Variants in RASEF observed in about 807,000 individuals in gnomAD.
RASEF encodes the protein RAS and EF-hand domain containing, also known as ras and EF-hand domain-containing protein.
In RASEF, 68 loss-of-function variants were observed where a neutral mutation model predicts 90.1. That is an observed-to-expected ratio of 0.75 (90% confidence interval 0.62 to 0.92). The LOEUF (loss-of-function observed/expected upper bound fraction) is 0.92, where lower values mean the gene tolerates loss of function less well. Ranked by LOEUF, RASEF falls within the 40% of genes least tolerant of loss-of-function variation. RASEF has a pLI of 0.00. For synonymous variants in RASEF, 331 were observed against 345.2 expected, an observed-to-expected ratio of 0.96 and a Z score of 0.46; for missense variants, 949 against 937.2, an observed-to-expected ratio of 1.01 and a Z score of -0.16.
chr9:82,987,249 T>C (rs199854584), intron 16 of RASEF, among the ~76,000 whole-genome samples: 2,830 of 109,556 alleles, frequency 0.026, 43 homozygotes, highest in East Asian at 0.14. Flanking sequence ...AAGGTCTTCA[T>C]ATGTTTGCTT....
chr9:83,066,887 A>G (rs544933119), upstream of RASEF, among the ~76,000 whole-genome samples: 5 of 152,266 alleles, frequency 3.3e-5, no homozygotes, highest in East Asian at 3.9e-4. Context: ...TTTGGTTTCA[A>G]TTTCCGTGAG....
the RASEF span, among the ~76,000 whole-genome samples, chr9:83,202,455 A>T: frequency 6.6e-6 from 1 of 152,208 alleles, no homozygotes; most frequent in Non-Finnish European, 1.5e-5. Flanking sequence ...AATGAATTTA[A>T]CAAGAAATGG....
intron 12 of RASEF, among the ~76,000 whole-genome samples, chr9:82,999,704 A>T (rs1417673352): frequency 6.6e-6 from 1 of 151,702 alleles, no homozygotes; most frequent in East Asian, 1.9e-4. Context: ...CCCAGGTTCA[A>T]GCGACTCTCC....
At chr9:83,043,408 A>G (rs959565694) in intron 1 of RASEF, among the ~76,000 whole-genome samples, 1 of 146,604 alleles carries the variant, frequency 6.8e-6, no homozygotes, top group African/African-American at 2.6e-5. Flanking sequence ...GGGGGGGGGG[A>G]CCCTGGGCTT....
intron 6 of RASEF, among the ~76,000 whole-genome samples, chr9:83,008,927 T>TATATATAG (rs1564075697): frequency 7.6e-6 from 1 of 131,182 alleles, no homozygotes; most frequent in African/African-American, 2.8e-5. Context: ...TATATATATA[T>TATATATAG]ATATATATGA....
chr9:83,137,961 A>G, the RASEF span, among the ~76,000 whole-genome samples: 9 of 151,986 alleles, frequency 5.9e-5, no homozygotes, highest in African/African-American at 2.2e-4. Context: ...TACAAACTTG[A>G]ACTTTACCCT....
At chr9:83,161,832 G>A in the RASEF span, among the ~76,000 whole-genome samples, 2 of 151,960 alleles carry the variant, frequency 1.3e-5, no homozygotes, top group Non-Finnish European at 2.9e-5. Flanking sequence ...ATGATAGTGA[G>A]TCTTAGGAGA....
intron 1 of RASEF, among the ~76,000 whole-genome samples, chr9:83,038,399 ACTG>A (rs1199191937): frequency 6.6e-6 from 1 of 152,136 alleles, no homozygotes; most frequent in Non-Finnish European, 1.5e-5. Context: ...AGAAGAGTCA[ACTG>A]CTGATGTCAA....
chr9:83,160,330 G>T, the RASEF span, among the ~76,000 whole-genome samples: 672 of 152,206 alleles, frequency 4.4e-3, 6 homozygotes, highest in Non-Finnish European at 5.6e-3. Context: ...AGGCTGAGAT[G>T]GTCTCAGATG....
chr9:83,106,743 C>G, the RASEF span, among the ~76,000 whole-genome samples: 4 of 149,142 alleles, frequency 2.7e-5, no homozygotes, highest in South Asian at 2.2e-4. Context: ...ACTTATAAAC[C>G]ATTTTATTAA....
Position 83,015,893 on chromosome 9 carries a change from C to T in RASEF, c.677G>A (p.Arg226His), listed in dbSNP as rs574121408. The T allele has an allele frequency of 9.9e-6, 16 of 1,612,094 alleles. No homozygotes were observed. In the Admixed American group the frequency reaches 1.0e-4, roughly 10 times the overall value. Reference protein sequence around the residue: ...AEHKTRKDEKRKAEEALSDLR... With the variant: ...AEHKTRKDEKHKAEEALSDLR... ...GTCACTGAGGGCTTCCTCAGCTTTG[C>T]GTTTTTCCTAAAAGAAAAAAAAATA... Residue 226 changes from arginine (R) to histidine (H), a missense_variant, in exon 4 of 17, where the codon CGC becomes CAC. Around this residue, in one of 3 missense-constraint regions of RASEF, gnomAD observed 656 missense variants for 592.2 expected, o/e 1.11. Transcript: ENST00000376447.
Position 82,993,034 on chromosome 9 carries a change from A to G in RASEF, c.1921-9T>C. Reference sequence around the variant, plus strand: ...GTCTCATGGGCTGCATCCTACCAGGAAGAAAAAAAAAATGGGGCACACATC... The same window carrying G: ...GTCTCATGGGCTGCATCCTACCAGGGAGAAAAAAAAAATGGGGCACACATC... On this transcript the variant is annotated splice_polypyrimidine_tract_variant and intron_variant, in intron 14 of 16. Coordinates refer to ENST00000376447, the MANE Select transcript of RASEF (RefSeq NM_152573.4). 1 of 1,610,784 alleles carries G rather than the reference A, an allele frequency of 6.2e-7. No individual in the cohort carries two copies. Among genetic ancestry groups the G allele is most frequent in the Non-Finnish European group, 8.5e-7 (1 of 1,179,008 alleles).
chr9:83,040,916 A>T (rs950468165), intron 1 of RASEF, among the ~76,000 whole-genome samples: 1 of 152,182 alleles, frequency 6.6e-6, no homozygotes, highest in Non-Finnish European at 1.5e-5. Context: ...GCTGGAGTGC[A>T]ATGGCACGAT....
At chr9:83,169,502 T>A in the RASEF span, among the ~76,000 whole-genome samples, 3 of 152,016 alleles carry the variant, frequency 2.0e-5, no homozygotes, top group Non-Finnish European at 4.4e-5. Context: ...CCACCAACGG[T>A]GTAGTGTATG....
the RASEF span, among the ~76,000 whole-genome samples, chr9:83,077,486 C>A: frequency 6.6e-6 from 1 of 152,114 alleles, no homozygotes; most frequent in South Asian, 2.1e-4. Flanking sequence ...CACAAACTCT[C>A]CCCTCCCCTA....
the RASEF span, among the ~76,000 whole-genome samples, chr9:83,193,728 CA>C: frequency 2.0e-5 from 3 of 152,064 alleles, no homozygotes; most frequent in Non-Finnish European, 4.4e-5. Flanking sequence ...AAAGTAAGGA[CA>C]GAGAATGTAA....
chr9:82,987,346 C>T (rs1828728107), intron 16 of RASEF, among the ~76,000 whole-genome samples: 1 of 152,178 alleles, frequency 6.6e-6, no homozygotes, highest in Admixed American at 6.5e-5. Flanking sequence ...AAACAAAAAC[C>T]TCTATGATAA....
the RASEF span, among the ~76,000 whole-genome samples, chr9:83,213,709 C>G: frequency 6.6e-6 from 1 of 152,282 alleles, no homozygotes; most frequent in Non-Finnish European, 1.5e-5. Flanking sequence ...AGCCTCAGGA[C>G]TTTGTTATTT....
chr9:83,065,614 A>G (rs1401670660), upstream of RASEF, among the ~76,000 whole-genome samples: 1 of 152,200 alleles, frequency 6.6e-6, no homozygotes, highest in Non-Finnish European at 1.5e-5. Flanking sequence ...AGAGAAATGT[A>G]CTTCATTGGA....
Sources: allele counts gnomAD v4.1 joint callset (sites outside exome capture counted in the v4.1 genomes callset), GRCh38; gene constraint gnomAD v4.1.1; regional missense constraint gnomAD v4.1.1; transcripts MANE v1.5; gene names NCBI Gene and HGNC (gene_info 2026-07-23, HGNC 2026-07-21).